Variants in GPHN observed in about 807,000 individuals in gnomAD.
GPHN encodes gephyrin.
A neutral mutation model predicts 95.5 loss-of-function variants in GPHN; 17 were observed. The observed-to-expected ratio is 0.18, with a 90% CI of 0.12 to 0.27. The LOEUF (loss-of-function observed/expected upper bound fraction) is 0.27, where lower values mean the gene tolerates loss of function less well. Ranked by LOEUF, GPHN falls within the 10% of genes least tolerant of loss-of-function variation. The pLI, the probability that GPHN is intolerant of heterozygous loss-of-function variation, is 1.00. For synonymous variants in GPHN, 320 were observed against 322.5 expected (o/e 0.99, Z 0.08); for missense variants, 660 against 978.1 (o/e 0.67, Z 4.34).
chr14:67,325,852 A>G, the GPHN span, among the ~76,000 whole-genome samples: 1 of 150,794 alleles, frequency 6.6e-6, no homozygotes, highest in Non-Finnish European at 1.5e-5. Context: ...TCTGTCGCCC[A>G]GGCTGGAATG....
the GPHN span, chr14:67,650,633 G>C: frequency 7.6e-7 from 1 of 1,322,606 alleles, no homozygotes; most frequent in Non-Finnish European, 1.1e-6. Context: ...ACTTTGGCTT[G>C]TTCTCCCTGT....
the GPHN span, among the ~76,000 whole-genome samples, chr14:67,299,599 A>C: frequency 1.3e-5 from 2 of 152,206 alleles, no homozygotes; most frequent in East Asian, 3.8e-4. Context: ...TTTATAGGCC[A>C]ATGGAAAGGA....
the GPHN span, among the ~76,000 whole-genome samples, chr14:67,401,421 A>T: frequency 6.6e-6 from 1 of 151,930 alleles, no homozygotes; most frequent in Non-Finnish European, 1.5e-5. Flanking sequence ...CTGAGGTGGG[A>T]GGATTGCTGG....
At chr14:67,193,406 T>TA in the GPHN span, among the ~76,000 whole-genome samples, 1 of 141,404 alleles carries the variant, frequency 7.1e-6, no homozygotes, top group African/African-American at 2.5e-5. Flanking sequence ...TCTAGATATA[T>TA]ATCTATATAT....
intron 11 of GPHN, among the ~76,000 whole-genome samples, chr14:67,086,580 G>GA (rs1281329255): frequency 1.3e-5 from 2 of 150,556 alleles, no homozygotes; most frequent in Admixed American, 6.6e-5. Context: ...GAACCCCAGG[G>GA]GGCGGAGCCT....
At chr14:66,913,022 C>A (rs535607093) in intron 5 of GPHN, among the ~76,000 whole-genome samples, 2 of 152,198 alleles carry the variant, frequency 1.3e-5, no homozygotes, top group Admixed American at 6.5e-5. Flanking sequence ...TGGACCCCAC[C>A]CTCATAGTTT....
At chr14:67,366,511 TGGCATTAAC>T in the GPHN span, among the ~76,000 whole-genome samples, 3 of 152,256 alleles carry the variant, frequency 2.0e-5, no homozygotes, top group African/African-American at 7.2e-5. Flanking sequence ...TTTGTTTGTA[TGGCATTAAC>T]TAAAACCAGG....
intron 5 of GPHN, among the ~76,000 whole-genome samples, chr14:66,886,154 GAATC>G (rs1003762540): frequency 9.2e-5 from 14 of 152,016 alleles, no homozygotes; most frequent in Non-Finnish European, 1.8e-4. Context: ...CATAAAAAAA[GAATC>G]AATCAGGCAG....
chr14:67,345,640 C>A, the GPHN span: 1 of 585,208 alleles, frequency 1.7e-6, no homozygotes, highest in Non-Finnish European at 3.0e-6. Context: ...ATTATGTTTG[C>A]TTTACATAGG....
the GPHN span, chr14:67,729,330 G>C: frequency 6.3e-7 from 1 of 1,599,500 alleles, no homozygotes; most frequent in Non-Finnish European, 8.5e-7. Context: ...AGACCAGCCT[G>C]CACTGCGCCC....
the GPHN span, among the ~76,000 whole-genome samples, chr14:67,251,200 C>G: frequency 6.6e-6 from 1 of 152,132 alleles, no homozygotes; most frequent in African/African-American, 2.4e-5. Context: ...AGATTAGAAA[C>G]TTTTTGATGA....
At chr14:67,286,415 T>G in the GPHN span, among the ~76,000 whole-genome samples, 1 of 152,214 alleles carries the variant, frequency 6.6e-6, no homozygotes, top group Non-Finnish European at 1.5e-5. Context: ...AAGAGTGTAT[T>G]TGACAGGACT....
the GPHN span, among the ~76,000 whole-genome samples, chr14:67,370,025 C>G: frequency 4.6e-5 from 7 of 152,342 alleles, no homozygotes; most frequent in African/African-American, 1.4e-4. Context: ...AGCATTGTTT[C>G]TATAGATACT....
chr14:67,124,577 A>G (rs2079191230), intron 17 of GPHN, among the ~76,000 whole-genome samples: 1 of 152,200 alleles, frequency 6.6e-6, no homozygotes, highest in South Asian at 2.1e-4. Context: ...TTCTGAGAAG[A>G]GAAGTGATAA....
chr14:67,728,869 T>G, the GPHN span, among the ~76,000 whole-genome samples: 157 of 152,252 alleles, frequency 1.0e-3, no homozygotes, highest in Non-Finnish European at 1.1e-3. Flanking sequence ...AAGATACCAC[T>G]GTCAATGATT....
the GPHN span, among the ~76,000 whole-genome samples, chr14:67,565,697 G>A: frequency 2.0e-5 from 3 of 152,218 alleles, no homozygotes; most frequent in Non-Finnish European, 2.9e-5. Context: ...GGACAGCTAA[G>A]CGTTGGCTCC....
At chr14:67,423,883 C>T in the GPHN span, among the ~76,000 whole-genome samples, 2 of 152,194 alleles carry the variant, frequency 1.3e-5, no homozygotes, top group African/African-American at 4.8e-5. Context: ...AAATCCACTT[C>T]CTTTTTCCCA....
intron 1 of GPHN, among the ~76,000 whole-genome samples, chr14:66,563,373 T>A (rs915869166): frequency 6.6e-5 from 10 of 152,320 alleles, no homozygotes; most frequent in Non-Finnish European, 4.4e-5. Flanking sequence ...ATAGGTCTAC[T>A]GGTCCAAAGG....
At chr14:66,986,822 A>G (rs1363287297) in intron 9 of GPHN, among the ~76,000 whole-genome samples, 2 of 151,960 alleles carry the variant, frequency 1.3e-5, no homozygotes, top group African/African-American at 4.8e-5. Context: ...CCATTTTACA[A>G]TTTATGAAAT....
Sources: gnomAD v4.1 joint callset for allele counts (sites outside exome capture counted in the v4.1 genomes callset) on GRCh38, gnomAD v4.1.1 for gene constraint, MANE v1.5 for transcripts, NCBI Gene and HGNC (gene_info 2026-07-23, HGNC 2026-07-21) for gene names.